SEMA4D: variants seen among roughly 807,000 people sequenced by gnomAD.
SEMA4D encodes the protein semaphorin-4D.
Under a neutral mutation model 74.8 loss-of-function variants are expected in SEMA4D, and 22 were observed. That is an observed-to-expected ratio of 0.29 (90% CI 0.21 to 0.42). The LOEUF (loss-of-function observed/expected upper bound fraction) is 0.42. Among genes scored for constraint, SEMA4D ranks in the 10% least tolerant of loss-of-function variants. The pLI is 1.00. For missense variants in SEMA4D, 937 were observed against 1,118.4 expected (o/e 0.84, Z 2.31); for synonymous variants, 445 against 463.7 (o/e 0.96, Z 0.52).
In SEMA4D at chr9:89,416,928, C is replaced by CT. The variant is rs548685248; in HGVS notation, c.-243-11230dup. Among the ~76,000 whole-genome samples, 15 of 152,024 alleles carry CT rather than the reference C, an allele frequency of 9.9e-5. No homozygotes were observed. The South Asian group carries it at 2.7e-3, about 27-fold the overall frequency. On this transcript the variant is annotated intron_variant, in intron 2 of 15. Transcript: ENST00000422704. ...GACTATTTCTTGCCATACCTTTGAC[C>CT]TTTTTTTTATTTACATAAAAAAATG... is the stretch of plus-strand genomic sequence containing the variant.
Position 89,379,490 on chromosome 9 carries a change from G to A in SEMA4D, c.1803C>T (p.Tyr601=), listed in dbSNP as rs62638725. The A allele has an allele frequency of 1.9e-5, 31 of 1,614,104 alleles. No homozygotes were observed. Among genetic ancestry groups the A allele is most frequent in the Middle Eastern group, 1.6e-4 (1 of 6,062 alleles). Residue 601 remains tyrosine, a synonymous_variant, in exon 16 of 16, where the codon TAC becomes TAT. Transcript: ENST00000422704. The stretch of plus-strand genomic sequence containing the variant: ...GCAAGTTTTTTCTGCCCATAAGACC[G>A]TACTTGGGGCTCTCGGCCTTCAACA... ...NGVLKAESPK[Y]GLMGRKNLLI... is the part of the protein sequence containing the mutation.
At chr9:89,413,263 G>A (rs1383555560) in intron 2 of SEMA4D, among the ~76,000 whole-genome samples, 1 of 152,204 alleles carries the variant, frequency 6.6e-6, no homozygotes, top group East Asian at 1.9e-4. Flanking sequence ...AATGTCAGCA[G>A]AATGGAACTC....
chr9:89,361,581 A>G (rs929074016), exon 19 of SEMA4D: 1 of 152,246 alleles, frequency 6.6e-6, no homozygotes, highest in African/African-American at 2.4e-5. Flanking sequence ...AGGTAGAACA[A>G]AACACTCATG....
intron 2 of SEMA4D, among the ~76,000 whole-genome samples, chr9:89,428,361 C>T (rs1047629891): frequency 1.3e-5 from 2 of 152,246 alleles, no homozygotes; most frequent in African/African-American, 4.8e-5. Flanking sequence ...GGAACCTGAA[C>T]TGGAAGGACG....
At chr9:89,408,931 G>A (rs934579894) in intron 2 of SEMA4D, among the ~76,000 whole-genome samples, 1 of 152,226 alleles carries the variant, frequency 6.6e-6, no homozygotes, top group Non-Finnish European at 1.5e-5. Context: ...AAAAGAAACA[G>A]CAATGAGCTG....
At chr9:89,364,180 T>G in intron 16 of SEMA4D, 3 of 812,254 alleles carry the variant, frequency 3.7e-6, no homozygotes, top group Non-Finnish European at 5.6e-6. Flanking sequence ...TTAATTGCCA[T>G]TTTTCAAAGC....
At chr9:89,496,007 G>T (rs11265776) in intron 1 of SEMA4D, among the ~76,000 whole-genome samples, 25,269 of 152,178 alleles carry the variant, frequency 0.17, 2,660 homozygotes, top group Middle Eastern at 0.27. Context: ...AGACACACCC[G>T]CTTGGTGTGG....
intron 11 of SEMA4D, 90 bp from the exon 12 acceptor site, chr9:89,387,698 C>T: frequency 4.6e-6 from 5 of 1,093,618 alleles, no homozygotes; most frequent in Non-Finnish European, 6.8e-6. Context: ...GGGGGGGCTG[C>T]AAAACCTGGA....
At chr9:89,413,986 G>C (rs1291224043) in intron 2 of SEMA4D, among the ~76,000 whole-genome samples, 1 of 152,230 alleles carries the variant, frequency 6.6e-6, no homozygotes, top group Non-Finnish European at 1.5e-5. Context: ...GATGTGAATA[G>C]TGACTGCTGG....
chr9:89,385,960 G>A (rs913627696), intron 13 of SEMA4D: 4 of 981,802 alleles, frequency 4.1e-6, no homozygotes, highest in East Asian at 1.2e-4. Context: ...CAGATGAGAC[G>A]AACCACTTCT....
At position 89,439,984 on chromosome 9, in the gene SEMA4D, A is replaced by ACGT. The variant is rs1851337541; in HGVS notation, c.-244+15903_-244+15904insACG. On this transcript the variant is annotated intron_variant, in intron 2 of 15. Transcript: ENST00000422704. ...ACTGCCCCTCAATCACCCTCACCAC[A>ACGT]GCCCAAAAGTGGACACACGTGCTGG... Among the ~76,000 whole-genome samples, 7 of 152,300 alleles carry ACGT rather than the reference A, an allele frequency of 4.6e-5. 1 individual carries two copies. The highest frequency in any genetic ancestry group is 1.7e-4 in the African/African-American group (7 of 41,560).
At chr9:89,497,615 C>G (rs1298688342) in intron 1 of SEMA4D, among the ~76,000 whole-genome samples, 3 of 151,652 alleles carry the variant, frequency 2.0e-5, no homozygotes, top group Non-Finnish European at 4.4e-5. Context: ...CGCGCAGGGA[C>G]TGGGGAGGCA....
intron 13 of SEMA4D, chr9:89,385,867 C>T: frequency 5.8e-5 from 7 of 120,874 alleles, no homozygotes; most frequent in Non-Finnish European, 1.2e-4. Flanking sequence ...AGCGTGGATG[C>T]CCGCCCACCC....
At chr9:89,384,432 T>C (rs1467337996) in intron 13 of SEMA4D, among the ~76,000 whole-genome samples, 1 of 152,154 alleles carries the variant, frequency 6.6e-6, no homozygotes. Context: ...TCATATGAGG[T>C]ACCCAGACAG....
chr9:89,480,576 C>T (rs1303733850), intron 1 of SEMA4D, among the ~76,000 whole-genome samples: 5 of 152,246 alleles, frequency 3.3e-5, no homozygotes, highest in Admixed American at 6.5e-5. Flanking sequence ...GGAAGGCAGT[C>T]AAGGCCCGGT....
At chr9:89,388,064 T>C (rs189650522) in intron 11 of SEMA4D, among the ~76,000 whole-genome samples, 1 of 152,174 alleles carries the variant, frequency 6.6e-6, no homozygotes, top group Non-Finnish European at 1.5e-5. Context: ...AGTGAACACA[T>C]TTTACGAAGC....
At chr9:89,452,515 G>A (rs1032316390) in intron 2 of SEMA4D, among the ~76,000 whole-genome samples, 5 of 151,580 alleles carry the variant, frequency 3.3e-5, no homozygotes, top group Admixed American at 2.6e-4. Flanking sequence ...GCAATGGTGC[G>A]ATCTCAGCTC....
chr9:89,391,177 T>C, intron 9 of SEMA4D, 87 bp downstream of exon 9: 2 of 1,320,916 alleles, frequency 1.5e-6, no homozygotes, highest in South Asian at 1.3e-5. Context: ...AAAGTGACAT[T>C]TGAGACGAAG....
intron 8 of SEMA4D, among the ~76,000 whole-genome samples, chr9:89,391,845 G>T (rs760797216): frequency 2.6e-5 from 4 of 152,196 alleles, no homozygotes; most frequent in Non-Finnish European, 4.4e-5. Flanking sequence ...AGGAATGGCC[G>T]ACTGTCCCTG....
Sources: gnomAD v4.1 joint callset for allele counts (sites outside exome capture counted in the v4.1 genomes callset) on GRCh38, gnomAD v4.1.1 for gene constraint, MANE v1.5 for transcripts, NCBI Gene and HGNC (gene_info 2026-07-23, HGNC 2026-07-21) for gene names.